The following NBAS variants were observed in gnomAD, a reference collection of about 807,000 sequenced individuals.
NBAS encodes NAG/BC035112 fusion.
A neutral mutation model predicts 302.5 loss-of-function variants in NBAS; 219 were observed. The ratio of observed to expected loss-of-function variants is 0.72; its 90% CI spans 0.65 to 0.81. NBAS has a LOEUF of 0.81. NBAS is among the 30% of genes least tolerant of loss of function. NBAS has a pLI of 0.00. For missense variants in NBAS, 2,932 were observed against 2,841.6 expected, an observed-to-expected ratio of 1.03 and a Z score of -0.72; for synonymous variants, 1,118 against 1,021.6, an observed-to-expected ratio of 1.09 and a Z score of -1.80.
chr2:15,061,153 C>T, the NBAS span, among the ~76,000 whole-genome samples: 4 of 152,178 alleles, frequency 2.6e-5, no homozygotes, highest in South Asian at 2.1e-4. Context: ...ACAAGACTCA[C>T]GCTCTTGGTA....
chr2:15,338,694 C>CACAT (rs1221387789), intron 35 of NBAS, among the ~76,000 whole-genome samples: 4 of 151,438 alleles, frequency 2.6e-5, no homozygotes, highest in African/African-American at 4.9e-5. Context: ...CACACACACA[C>CACAT]ACACACACAC....
Position 15,424,520 on chromosome 2 carries a change from A to G in NBAS, c.2424-52T>C, listed in dbSNP as rs777813052. The G allele has an allele frequency of 3.8e-6, 6 of 1,599,630 alleles. No homozygotes were observed. In the East Asian group the frequency reaches 8.9e-5, roughly 24 times the overall value. On this transcript the variant is annotated intron_variant, in intron 22 of 51. Coordinates refer to ENST00000281513, the MANE Select transcript of NBAS (RefSeq NM_015909.4). Reference sequence around the variant, plus strand: ...TAACTGACTAGAATGTTGGAAAAACATATAATTTTGTGAGAGAAAGACAGG... The same window carrying G: ...TAACTGACTAGAATGTTGGAAAAACGTATAATTTTGTGAGAGAAAGACAGG...
At chr2:14,876,541 C>T in the NBAS span, among the ~76,000 whole-genome samples, 11 of 152,158 alleles carry the variant, frequency 7.2e-5, no homozygotes, top group African/African-American at 2.7e-4. Context: ...GGAAAAGGTC[C>T]CTTTAGGGAA....
the NBAS span, among the ~76,000 whole-genome samples, chr2:15,160,585 C>CG: frequency 3.3e-5 from 3 of 92,294 alleles, no homozygotes; most frequent in Admixed American, 1.1e-4. Context: ...CCAGTGTGGG[C>CG]GGGGGGAGGG....
At chr2:14,963,815 T>C in the NBAS span, among the ~76,000 whole-genome samples, 1 of 152,224 alleles carries the variant, frequency 6.6e-6, no homozygotes, top group Admixed American at 6.5e-5. Flanking sequence ...TTTTGCTTTG[T>C]GTACTTTCGC....
the NBAS span, among the ~76,000 whole-genome samples, chr2:14,911,001 A>G: frequency 2.6e-5 from 4 of 152,214 alleles, no homozygotes; most frequent in Non-Finnish European, 5.9e-5. Context: ...GCTGGATTAC[A>G]ACTTCAGAAA....
At chr2:14,833,670 G>A in the NBAS span, among the ~76,000 whole-genome samples, 2,958 of 151,190 alleles carry the variant, frequency 0.02, 110 homozygotes, top group African/African-American at 0.067. Flanking sequence ...ATTTATGTGC[G>A]TATTACAATT....
At chr2:15,323,649 G>T (rs1239213174) in intron 38 of NBAS, among the ~76,000 whole-genome samples, 1 of 151,956 alleles carries the variant, frequency 6.6e-6, no homozygotes, top group Non-Finnish European at 1.5e-5. Flanking sequence ...TGGACAACAC[G>T]AGGAGACTCT....
intron 40 of NBAS, among the ~76,000 whole-genome samples, chr2:15,299,590 T>C (rs1670704021): frequency 6.6e-6 from 1 of 152,224 alleles, no homozygotes; most frequent in Non-Finnish European, 1.5e-5. Context: ...TAGTCTACCA[T>C]AAAATTCTGA....
the NBAS span, among the ~76,000 whole-genome samples, chr2:15,140,502 T>C: frequency 7.9e-5 from 12 of 152,394 alleles, no homozygotes; most frequent in East Asian, 2.1e-3. Context: ...ATAGTTCTTA[T>C]GCTTCTCATT....
the NBAS span, among the ~76,000 whole-genome samples, chr2:14,867,985 C>A: frequency 6.6e-6 from 1 of 152,208 alleles, no homozygotes; most frequent in Non-Finnish European, 1.5e-5. Context: ...TTCAAACCCA[C>A]AACTTCTCAC....
intron 41 of NBAS, among the ~76,000 whole-genome samples, chr2:15,287,483 G>A (rs1670098886): frequency 6.6e-6 from 1 of 152,184 alleles, no homozygotes; most frequent in African/African-American, 2.4e-5. Context: ...CATAAAAAGT[G>A]GGGCAAGGGG....
chr2:15,289,677 T>C (rs376173855), intron 41 of NBAS, among the ~76,000 whole-genome samples: 71 of 152,236 alleles, frequency 4.7e-4, no homozygotes, highest in Middle Eastern at 3.4e-3. Flanking sequence ...ACAGGTACAA[T>C]GCACTTACAG....
At chr2:14,913,147 T>C in the NBAS span, among the ~76,000 whole-genome samples, 1 of 152,212 alleles carries the variant, frequency 6.6e-6, no homozygotes, top group Non-Finnish European at 1.5e-5. Flanking sequence ...CAAATATTTA[T>C]TGAATGCCTT....
At chr2:15,199,028 G>A (rs895575081) in intron 48 of NBAS, among the ~76,000 whole-genome samples, 1 of 151,274 alleles carries the variant, frequency 6.6e-6, no homozygotes, top group Non-Finnish European at 1.5e-5. Context: ...TCGGGAGGCT[G>A]AGGCAGGAGA....
chr2:15,162,861 A>C (rs1055908742), downstream of NBAS, among the ~76,000 whole-genome samples: 7 of 152,222 alleles, frequency 4.6e-5, no homozygotes, highest in African/African-American at 7.2e-5. Flanking sequence ...GAGCTAAATT[A>C]GACTACTGAG....
chr2:15,461,145 C>CA (rs1211564083), intron 21 of NBAS, 56 bp downstream of exon 21: 12 of 1,483,980 alleles, frequency 8.1e-6, no homozygotes, highest in African/African-American at 4.6e-5. Flanking sequence ...TTCAGCATGA[C>CA]AAAAAAATTA....
chr2:14,927,465 T>A, the NBAS span, among the ~76,000 whole-genome samples: 1 of 152,260 alleles, frequency 6.6e-6, no homozygotes, highest in African/African-American at 2.4e-5. Flanking sequence ...CATCCCCTGA[T>A]GGACATTTAG....
intron 32 of NBAS, among the ~76,000 whole-genome samples, chr2:15,358,883 T>C (rs1673758038): frequency 6.6e-6 from 1 of 152,196 alleles, no homozygotes; most frequent in South Asian, 2.1e-4. Flanking sequence ...TGAAAATAAT[T>C]TGGGGCTCAA....
Sources: gnomAD v4.1 joint callset for allele counts (sites outside exome capture counted in the v4.1 genomes callset) on GRCh38, gnomAD v4.1.1 for gene constraint, MANE v1.5 for transcripts, NCBI Gene and HGNC (gene_info 2026-07-23, HGNC 2026-07-21) for gene names.